RB1: variants seen among roughly 807,000 people sequenced by gnomAD.
RB1 encodes the protein RB transcriptional corepressor 1.
Under a neutral mutation model 135.4 loss-of-function variants are expected in RB1, and 18 were observed. That is an observed-to-expected ratio of 0.13 (90% CI 0.09 to 0.20). The LOEUF is 0.20. Among genes scored for constraint, RB1 ranks in the 10% least tolerant of loss-of-function variants. The pLI is 1.00. For missense variants in RB1, 868 were observed against 1,110.0 expected (o/e 0.78, Z 3.10); for synonymous variants, 365 against 373.2 (o/e 0.98, Z 0.25).
At chr13:48,366,680 A>G (rs1188062529) in intron 9 of RB1, among the ~76,000 whole-genome samples, 1 of 152,222 alleles carries the variant, frequency 6.6e-6, no homozygotes, top group Non-Finnish European at 1.5e-5. Flanking sequence ...AATTGAACTG[A>G]TAAATTGAGC....
At chr13:48,305,297 A>T (rs998987633) in intron 1 of RB1, among the ~76,000 whole-genome samples, 2 of 152,212 alleles carry the variant, frequency 1.3e-5, no homozygotes, top group Non-Finnish European at 2.9e-5. Context: ...AGGCTATTAA[A>T]AATTTATATA....
chr13:48,363,851 C>T (rs184043418), intron 8 of RB1, among the ~76,000 whole-genome samples: 244 of 152,234 alleles, frequency 1.6e-3, no homozygotes, highest in African/African-American at 5.5e-3. Flanking sequence ...TTATTTACAG[C>T]GTCTACATTA....
rs750711568 is a variant in RB1 at position 48,342,742 on chromosome 13, T to C, written c.380+28T>C. 9 of 1,457,030 alleles carry C rather than the reference T, an allele frequency of 6.2e-6. 1 individual carries two copies. In the South Asian group the frequency reaches 1.0e-4, roughly 17 times the overall value. The allele number at this position is 1,457,030 out of a possible 1,614,324, so 90.3% of individuals were successfully genotyped here. A position where few individuals can be genotyped will look rare whatever the true frequency, so the allele number is the denominator to read the frequency against. On this transcript the variant is annotated intron_variant, in intron 3 of 26. Transcript: ENST00000267163. ...AAAGTTTCTTGTATAAATATAAGCCTCTGCCATAAAAGGAAACGAATTCTG... is the reference window on the plus strand; with the variant it reads ...AAAGTTTCTTGTATAAATATAAGCCCCTGCCATAAAAGGAAACGAATTCTG...
At chr13:48,343,638 G>T (rs1201468971) in intron 3 of RB1, among the ~76,000 whole-genome samples, 1 of 152,026 alleles carries the variant, frequency 6.6e-6, no homozygotes, top group Non-Finnish European at 1.5e-5. Flanking sequence ...AGGCTTTGTT[G>T]TAACAATTCA....
intron 2 of RB1, among the ~76,000 whole-genome samples, chr13:48,311,171 A>G (rs1952126804): frequency 6.6e-6 from 1 of 152,228 alleles, no homozygotes; most frequent in Admixed American, 6.5e-5. Context: ...TAAGGCAGAA[A>G]TAATGCCTGA....
rs570735641 is a variant in RB1, at chr13:48,349,626, GGAAGA to G, written c.607+609_607+613del. Among the ~76,000 whole-genome samples the G allele has an allele frequency of 4.7e-3, 714 of 151,938 alleles. 2 individuals are homozygous for G. The highest frequency in any genetic ancestry group is 0.016 in the African/African-American group (674 of 41,492). ...AGGAAGACAGAAAGGAAAGAAAGAA[GGAAGA>G]GAAGACCACAAAACAACCAGAAAAC... On this transcript the variant is annotated intron_variant, in intron 6 of 26. Coordinates refer to ENST00000267163, the MANE Select transcript of RB1 (RefSeq NM_000321.3).
chr13:48,317,414 A>G (rs1281869893), intron 2 of RB1: 3 of 368,834 alleles, frequency 8.1e-6, no homozygotes, highest in African/African-American at 2.1e-5. Flanking sequence ...AAGTCGCTCG[A>G]GGGCAGGGTG....
In RB1 at chr13:48,456,230, A is replaced by G. The variant is rs2138331098; in HGVS notation, c.1841A>G (p.Lys614Arg). ...DMYLSPVRSP[K>R]KKGSTTRVNS... The stretch of plus-strand genomic sequence containing the variant: ...TATCTTTCTCCTGTAAGATCTCCAA[A>G]GAAAAAAGGTTCAACTACGCGTGTA... The change falls in exon 19 of 27, where the codon AAG (lysine) becomes AGG (arginine). Residue 614 changes from lysine (K) to arginine (R), a missense_variant. Physicochemically the swap from Lys to Arg is conservative, Grantham distance 26. Around this residue, in one of 3 missense-constraint regions of RB1, gnomAD observed 641 missense variants for 791.3 expected, o/e 0.81. Coordinates refer to ENST00000267163, the MANE Select transcript of RB1 (RefSeq NM_000321.3). 1 of 1,614,190 alleles carries G rather than the reference A, an allele frequency of 6.2e-7. No homozygotes were observed. Among genetic ancestry groups the G allele is most frequent in the Non-Finnish European group, 8.5e-7 (1 of 1,180,034 alleles).
At position 48,345,068 on chromosome 13, in the gene RB1, T is replaced by C. The variant is rs746722035; in HGVS notation, c.381-12T>C. On this transcript the variant is annotated splice_polypyrimidine_tract_variant and intron_variant, in intron 3 of 26. Transcript: ENST00000267163. ...GTTACTGATTTACTTTTTTCTATTCTTTCCTTTGTAGTGTCCATAAATTCT... is the reference window on the plus strand; with the variant it reads ...GTTACTGATTTACTTTTTTCTATTCCTTCCTTTGTAGTGTCCATAAATTCT... 2 of 1,607,438 alleles carry C rather than the reference T, an allele frequency of 1.2e-6. No individual in the cohort carries two copies. The highest frequency in any genetic ancestry group is 1.7e-6 in the Non-Finnish European group (2 of 1,176,862).
chr13:48,437,916 CTT>C (rs1340508588), intron 17 of RB1, among the ~76,000 whole-genome samples: 5 of 152,146 alleles, frequency 3.3e-5, no homozygotes, highest in African/African-American at 1.2e-4. Flanking sequence ...ATAGTTATGA[CTT>C]AGTGTCAATT....
At chr13:48,460,512 G>C (rs1480156796) in intron 20 of RB1, among the ~76,000 whole-genome samples, 2 of 152,148 alleles carry the variant, frequency 1.3e-5, no homozygotes, top group Non-Finnish European at 2.9e-5. Flanking sequence ...GTAGTAGTGA[G>C]CTAGATATCA....
chr13:48,340,136 T>C (rs1288117535), intron 2 of RB1, among the ~76,000 whole-genome samples: 1 of 152,092 alleles, frequency 6.6e-6, no homozygotes, highest in Admixed American at 6.6e-5. Context: ...CCTCACACCA[T>C]TTATAAAAAC....
intron 4 of RB1, among the ~76,000 whole-genome samples, chr13:48,346,606 G>A (rs148831398): frequency 9.9e-4 from 150 of 151,716 alleles, no homozygotes; most frequent in African/African-American, 3.5e-3. Flanking sequence ...CACAGCTGAA[G>A]TTAAACAATA....
At chr13:48,348,863 C>T in intron 5 of RB1, 93 bp from the exon 6 acceptor site, 1 of 1,429,768 alleles carries the variant, frequency 7.0e-7, no homozygotes, top group Admixed American at 2.3e-5. Context: ...TTTTTTAATG[C>T]ACAAAAAGAA....
chr13:48,402,776 T>A (rs1355016099), intron 17 of RB1, among the ~76,000 whole-genome samples: 1 of 152,164 alleles, frequency 6.6e-6, no homozygotes, highest in East Asian at 1.9e-4. Context: ...GAATCATGTG[T>A]GTTTCAGTCT....
chr13:48,449,922 G>T (rs1949315743), intron 17 of RB1, among the ~76,000 whole-genome samples: 1 of 151,884 alleles, frequency 6.6e-6, no homozygotes. Flanking sequence ...CAATTTATAT[G>T]AATTCAGATC....
chr13:48,431,630 G>T (rs1275287010), intron 17 of RB1, among the ~76,000 whole-genome samples: 1 of 152,028 alleles, frequency 6.6e-6, no homozygotes. Flanking sequence ...AAAATTTGAG[G>T]GTTTCCTGTC....
At chr13:48,337,799 T>C (rs1179027873) in intron 2 of RB1, among the ~76,000 whole-genome samples, 1 of 152,186 alleles carries the variant, frequency 6.6e-6, no homozygotes, top group Admixed American at 6.5e-5. Flanking sequence ...ATTTGGCATG[T>C]TTTTGCAGTG....
intron 17 of RB1, among the ~76,000 whole-genome samples, chr13:48,383,356 T>C (rs781234736): frequency 2.6e-5 from 4 of 152,154 alleles, no homozygotes; most frequent in African/African-American, 4.8e-5. Flanking sequence ...CTTGAGGTTA[T>C]GCTCTTCAAA....
Sources: allele counts gnomAD v4.1 joint callset (sites outside exome capture counted in the v4.1 genomes callset), GRCh38; gene constraint gnomAD v4.1.1; regional missense constraint gnomAD v4.1.1; transcripts MANE v1.5; gene names NCBI Gene and HGNC (gene_info 2026-07-23, HGNC 2026-07-21).